Variants in MSRA observed in about 807,000 individuals in gnomAD.
MSRA encodes the protein methionine sulfoxide reductase A.
In MSRA, 54 loss-of-function variants were observed where a neutral mutation model predicts 31.3. The observed-to-expected ratio is 1.73, with a 90% CI of 1.39 to 2.17. The LOEUF (loss-of-function observed/expected upper bound fraction) is 2.17, where lower values mean the gene tolerates loss of function less well. Ranked by LOEUF, MSRA falls within the 30% of genes most tolerant of loss-of-function variation. The pLI is 0.00. For synonymous variants in MSRA, 169 were observed against 116.5 expected (o/e 1.45, Z -2.90); for missense variants, 507 against 300.9 (o/e 1.69, Z -5.07).
At chr8:10,250,770 G>C in intron 3 of MSRA, 1 of 343,190 alleles carries the variant, frequency 2.9e-6, no homozygotes. Flanking sequence ...CCTGTCCTGA[G>C]CCCGTTTCCT....
At chr8:10,193,310 T>C (rs1486096960) in intron 1 of MSRA, among the ~76,000 whole-genome samples, 1 of 152,222 alleles carries the variant, frequency 6.6e-6, no homozygotes, top group Non-Finnish European at 1.5e-5. Flanking sequence ...GCCTATGGCC[T>C]TCCCGCTGAG....
chr8:10,137,075 C>T (rs561266088), intron 1 of MSRA, among the ~76,000 whole-genome samples: 49 of 152,300 alleles, frequency 3.2e-4, no homozygotes, highest in South Asian at 1.0e-3. Flanking sequence ...AAATTCGCTT[C>T]CATCCTCAGA....
intron 5 of MSRA, among the ~76,000 whole-genome samples, chr8:10,342,574 C>G (rs1803495801): frequency 6.6e-6 from 1 of 152,348 alleles, no homozygotes. Context: ...CCCTGTTCGT[C>G]TGCCTCACAG....
intron 4 of MSRA, among the ~76,000 whole-genome samples, chr8:10,314,752 T>G (rs1801619989): frequency 6.6e-6 from 1 of 152,228 alleles, no homozygotes; most frequent in Non-Finnish European, 1.5e-5. Flanking sequence ...GTAGAATGTA[T>G]AAATCCATTG....
intron 1 of MSRA, among the ~76,000 whole-genome samples, chr8:10,138,381 G>A (rs1041223953): frequency 2.6e-5 from 4 of 152,156 alleles, no homozygotes; most frequent in Non-Finnish European, 5.9e-5. Context: ...GGAGAAGAAA[G>A]GGAGGCCCAA....
rs568143096 is a variant in MSRA at position 10,087,633 on chromosome 8, G to T, written c.142+32975G>T. On this transcript the variant is annotated intron_variant, in intron 1 of 5. Transcript: ENST00000317173. The stretch of plus-strand genomic sequence containing the variant: ...TCTGTCCCGTGGGCTAGGTAGGTCT[G>T]TTCTTGATATGGTTGGGAGAGTGGT... 3.3e-5 allele frequency among the ~76,000 whole-genome samples: 5 copies of T among 152,278 alleles called. No homozygotes were observed. In the South Asian group the frequency reaches 1.0e-3, roughly 32 times the overall value.
intron 1 of MSRA, among the ~76,000 whole-genome samples, chr8:10,198,907 G>T (rs112209084): frequency 1.3e-5 from 2 of 152,162 alleles, no homozygotes; most frequent in East Asian, 3.8e-4. Flanking sequence ...CGTTTCATGT[G>T]CCATGAGCAG....
chr8:10,246,425 T>G (rs916943488), intron 3 of MSRA, among the ~76,000 whole-genome samples: 43 of 152,238 alleles, frequency 2.8e-4, no homozygotes, highest in African/African-American at 1.0e-3. Context: ...TAAAAAAAAT[T>G]ATATTCACCA....
At chr8:10,076,533 C>G (rs1487045200) in intron 1 of MSRA, among the ~76,000 whole-genome samples, 2 of 152,188 alleles carry the variant, frequency 1.3e-5, no homozygotes, top group African/African-American at 4.8e-5. Context: ...TCTTGATGGT[C>G]AACATGGGTG....
At chr8:10,203,170 A>ACT (rs1808650435) in intron 1 of MSRA, among the ~76,000 whole-genome samples, 1 of 151,970 alleles carries the variant, frequency 6.6e-6, no homozygotes, top group Non-Finnish European at 1.5e-5. Context: ...TAGCAAGTGA[A>ACT]CTCCCTCCAC....
At chr8:10,330,777 T>C (rs1025682538) in intron 5 of MSRA, among the ~76,000 whole-genome samples, 8 of 151,208 alleles carry the variant, frequency 5.3e-5, no homozygotes, top group Admixed American at 5.3e-4. Context: ...TACCTAGTGA[T>C]TGTCAACAAA....
At chr8:10,162,510 G>A (rs1804751261) in intron 1 of MSRA, among the ~76,000 whole-genome samples, 1 of 152,078 alleles carries the variant, frequency 6.6e-6, no homozygotes. Flanking sequence ...GGCACTGATG[G>A]GCACCCCCTG....
At chr8:10,339,187 G>C (rs956982743) in intron 5 of MSRA, among the ~76,000 whole-genome samples, 9 of 152,202 alleles carry the variant, frequency 5.9e-5, no homozygotes, top group Non-Finnish European at 1.2e-4. Flanking sequence ...AATGAAAACT[G>C]TAAGTCAGGG....
At chr8:10,231,732 G>A (rs780823926) in intron 2 of MSRA, among the ~76,000 whole-genome samples, 30 of 152,060 alleles carry the variant, frequency 2.0e-4, no homozygotes, top group Non-Finnish European at 3.4e-4. Flanking sequence ...GTGAAACCCC[G>A]TCTCTACTCA....
At chr8:10,315,929 A>T (rs1801686950) in intron 4 of MSRA, among the ~76,000 whole-genome samples, 2 of 152,256 alleles carry the variant, frequency 1.3e-5, no homozygotes, top group Non-Finnish European at 2.9e-5. Context: ...TCACACTATG[A>T]TAACTTTTGA....
chr8:10,302,662 A>G lies in MSRA; in HGVS notation c.436+1024A>G, dbSNP rs541474195. The stretch of plus-strand genomic sequence containing the variant: ...CAAAGGTCAGAGATGAGGCAAGAGC[A>G]GCAAAGTGACAAACTCGAGCAGGGT... On this transcript the variant is annotated intron_variant, in intron 4 of 5. Coordinates refer to ENST00000317173, the MANE Select transcript of MSRA (RefSeq NM_012331.5). 2.6e-5 allele frequency among the ~76,000 whole-genome samples: 4 copies of G among 152,370 alleles called. No individual in the cohort carries two copies. In the South Asian group the frequency reaches 8.3e-4, roughly 32 times the overall value.
chr8:10,259,688 A>C (rs145143682), intron 3 of MSRA, among the ~76,000 whole-genome samples: 3 of 152,250 alleles, frequency 2.0e-5, no homozygotes, highest in African/African-American at 7.2e-5. Flanking sequence ...TGGGAAACCC[A>C]GGACTAGGGT....
intron 5 of MSRA, among the ~76,000 whole-genome samples, chr8:10,323,089 CAAA>C (rs34539032): frequency 1.8e-5 from 2 of 112,328 alleles, no homozygotes. Context: ...GACTCCATCT[CAAA>C]AAAAAAAAAA....
At chr8:10,283,044 C>T (rs1260269452) in intron 3 of MSRA, among the ~76,000 whole-genome samples, 1 of 151,828 alleles carries the variant, frequency 6.6e-6, no homozygotes, top group South Asian at 2.1e-4. Context: ...CAAGAGCTTC[C>T]TTAAACCTGG....
Sources: allele counts gnomAD v4.1 joint callset (sites outside exome capture counted in the v4.1 genomes callset), GRCh38; gene constraint gnomAD v4.1.1; transcripts MANE v1.5; gene names NCBI Gene and HGNC (gene_info 2026-07-23, HGNC 2026-07-21).